The following GSE1 variants were observed in gnomAD, a reference collection of about 807,000 sequenced individuals.
GSE1 encodes the protein genetic suppressor element 1.
Under a neutral mutation model 112.6 loss-of-function variants are expected in GSE1, and 32 were observed. The observed-to-expected ratio is 0.28, with a 90% CI of 0.21 to 0.38. GSE1 has a LOEUF of 0.38. Ranked by LOEUF, GSE1 falls within the 10% of genes least tolerant of loss-of-function variation. The pLI, the probability that GSE1 is intolerant of heterozygous loss-of-function variation, is 1.00. For missense variants in GSE1, 2,348 were observed against 1,699.2 expected, an observed-to-expected ratio of 1.38 and a Z score of -6.71; for synonymous variants, 1,115 against 735.6, an observed-to-expected ratio of 1.52 and a Z score of -8.35.
chr16:85,673,723 T>A lies in GSE1; in HGVS notation c.*1184T>A, dbSNP rs967571129. ...CATCTGGACAAGCTAATAGCAAATA[T>A]TACCCATTGCTATCAAGGGAGGAGG... On this transcript the variant is annotated 3_prime_UTR_variant, in exon 16 of 16. Coordinates refer to ENST00000253458, the MANE Select transcript of GSE1 (RefSeq NM_014615.5). 1 of 152,060 alleles carries A rather than the reference T, an allele frequency of 6.6e-6. No homozygotes were observed. Among genetic ancestry groups the A allele is most frequent in the Non-Finnish European group, 1.5e-5 (1 of 67,982 alleles). The allele number at this position is 152,060 out of a possible 1,614,324, so 9.4% of individuals were successfully genotyped here. A position where few individuals can be genotyped will look rare whatever the true frequency, so the allele number is the denominator to read the frequency against.
intron 7 of GSE1, among the ~76,000 whole-genome samples, 165 bp from the exon 8 acceptor site, chr16:85,657,112 C>A (rs2052026297): frequency 1.3e-5 from 2 of 152,176 alleles, no homozygotes; most frequent in Admixed American, 1.3e-4. Flanking sequence ...AGACATGCTT[C>A]TTGAAAGCTC....
intron 1 of GSE1, among the ~76,000 whole-genome samples, chr16:85,588,188 G>C (rs990295080): frequency 1.3e-5 from 2 of 152,214 alleles, no homozygotes; most frequent in African/African-American, 4.8e-5. Context: ...TTCCCCACCA[G>C]GAGGGCAGGG....
At chr16:85,431,102 T>G (rs1325158560) in intron 2 of GSE1, among the ~76,000 whole-genome samples, 2 of 152,200 alleles carry the variant, frequency 1.3e-5, no homozygotes, top group Non-Finnish European at 2.9e-5. Context: ...CATCCTGGAT[T>G]CAAGCCCTCC....
chr16:85,279,861 G>A (rs532326910), intron 1 of GSE1, among the ~76,000 whole-genome samples: 5 of 152,260 alleles, frequency 3.3e-5, no homozygotes, highest in East Asian at 1.9e-4. Flanking sequence ...CCCATTTCCC[G>A]GTGGAAGGAA....
At chr16:85,291,736 G>A (rs932525388) in intron 1 of GSE1, among the ~76,000 whole-genome samples, 2 of 152,218 alleles carry the variant, frequency 1.3e-5, no homozygotes, top group African/African-American at 4.8e-5. Context: ...GTGAAGGTCA[G>A]GCTGGGGGCA....
In GSE1 at chr16:85,268,431, C is replaced by T. The variant is rs1017410105; in HGVS notation, c.2284-89032C>T. Among the ~76,000 whole-genome samples, 93 of 152,312 alleles carry T rather than the reference C, an allele frequency of 6.1e-4. 1 individual carries two copies. The highest frequency in any genetic ancestry group is 1.9e-3 in the African/African-American group (77 of 41,556). ...GTGCACTCAGGTCACTCCCCTTCCCCGTCTGGCCCCTGCCCCAGGTGTGGG... is the reference window on the plus strand; with the variant it reads ...GTGCACTCAGGTCACTCCCCTTCCCTGTCTGGCCCCTGCCCCAGGTGTGGG... On this transcript the variant is annotated intron_variant, in intron 1 of 2. Coordinates refer to the GSE1 transcript ENST00000637419.
At chr16:85,639,857 G>A (rs1009880471) in intron 2 of GSE1, among the ~76,000 whole-genome samples, 5 of 152,226 alleles carry the variant, frequency 3.3e-5, no homozygotes, top group East Asian at 1.9e-4. Context: ...CCGCAGGGAC[G>A]CAGCGCCCGT....
chr16:85,344,120 G>A (rs1024667511), intron 1 of GSE1, among the ~76,000 whole-genome samples: 1 of 152,190 alleles, frequency 6.6e-6, no homozygotes, highest in Non-Finnish European at 1.5e-5. Flanking sequence ...CTGGGGGTGC[G>A]GATCTGCAAT....
At chr16:85,295,614 G>A (rs934048907) in intron 1 of GSE1, among the ~76,000 whole-genome samples, 2 of 152,190 alleles carry the variant, frequency 1.3e-5, no homozygotes, top group Non-Finnish European at 2.9e-5. Context: ...TCAGGAGTGA[G>A]CCTGTGCTGG....
At chr16:85,193,974 C>T (rs562246206) in intron 1 of GSE1, among the ~76,000 whole-genome samples, 13 of 152,106 alleles carry the variant, frequency 8.5e-5, no homozygotes, top group East Asian at 5.8e-4. Context: ...TGTGTGCGCG[C>T]GCGTGTTTGT....
intron 2 of GSE1, among the ~76,000 whole-genome samples, chr16:85,382,537 C>G (rs1054580628): frequency 3.3e-5 from 5 of 152,186 alleles, no homozygotes; most frequent in Admixed American, 6.5e-5. Flanking sequence ...CCCGATGAGA[C>G]AGCAGAGCCC....
At chr16:85,501,005 T>TTTTG (rs1555522877) in intron 2 of GSE1, among the ~76,000 whole-genome samples, 36 of 131,124 alleles carry the variant, frequency 2.7e-4, no homozygotes, top group African/African-American at 9.9e-4. Flanking sequence ...TCTGTTTTTT[T>TTTTG]TTTTTTTTTT....
At chr16:85,196,020 C>T (rs2074919854) in intron 1 of GSE1, among the ~76,000 whole-genome samples, 1 of 152,132 alleles carries the variant, frequency 6.6e-6, no homozygotes, top group South Asian at 2.1e-4. Flanking sequence ...GGGGCAGCAC[C>T]CGATAACCAA....
At chr16:85,579,280 G>C (rs1180332690) in intron 1 of GSE1, among the ~76,000 whole-genome samples, 4 of 152,128 alleles carry the variant, frequency 2.6e-5, no homozygotes, top group Non-Finnish European at 5.9e-5. Flanking sequence ...TGCCTGGAGG[G>C]TAGAATGGGG....
intron 2 of GSE1, among the ~76,000 whole-genome samples, chr16:85,426,010 C>CT (rs1368194592): frequency 1.3e-5 from 1 of 78,704 alleles, no homozygotes; most frequent in Non-Finnish European, 3.4e-5. Context: ...CCACCACTCT[C>CT]TAAGAATGAA....
chr16:85,649,341 G>A (rs182167657), intron 3 of GSE1, among the ~76,000 whole-genome samples: 106 of 152,294 alleles, frequency 7.0e-4, no homozygotes, highest in African/African-American at 2.2e-3. Flanking sequence ...CTGAGCACCC[G>A]GCACACTAGC....
rs189573710 is a variant in GSE1, at chr16:85,280,940, C to T, written c.2284-76523C>T. ...GGGCTGAATTGGAACCAGGTCCTGG[C>T]GTTGCCTGCCCAGGTCTTCCCATCT... On this transcript the variant is annotated intron_variant, in intron 1 of 2. Coordinates refer to the GSE1 transcript ENST00000637419. Among the ~76,000 whole-genome samples the T allele has an allele frequency of 3.5e-3, 539 of 152,248 alleles. 3 individuals are homozygous for T. The highest frequency in any genetic ancestry group is 0.012 in the African/African-American group (502 of 41,558).
chr16:85,346,742 T>C (rs566108724), intron 1 of GSE1, among the ~76,000 whole-genome samples: 3 of 149,886 alleles, frequency 2.0e-5, no homozygotes, highest in Non-Finnish European at 4.4e-5. Context: ...GGTGGACAGG[T>C]GAGTGGATGG....
At chr16:85,380,452 C>T (rs1184524137) in intron 2 of GSE1, among the ~76,000 whole-genome samples, 2 of 152,100 alleles carry the variant, frequency 1.3e-5, no homozygotes, top group South Asian at 2.1e-4. Flanking sequence ...GAATCTGTAG[C>T]GTAGGGAACC....
Sources: allele counts gnomAD v4.1 joint callset (sites outside exome capture counted in the v4.1 genomes callset), GRCh38; gene constraint gnomAD v4.1.1; transcripts MANE v1.5; gene names NCBI Gene and HGNC (gene_info 2026-07-23, HGNC 2026-07-21).